The following MLLT10 variants were observed in gnomAD, a reference collection of about 807,000 sequenced individuals.
MLLT10 encodes MLLT10 histone lysine methyltransferase DOT1L cofactor.
A neutral mutation model predicts 129.1 loss-of-function variants in MLLT10; 30 were observed. The ratio of observed to expected loss-of-function variants is 0.23; its 90% CI spans 0.17 to 0.32. The LOEUF (loss-of-function observed/expected upper bound fraction) is 0.32, where lower values mean the gene tolerates loss of function less well. MLLT10 is among the 10% of genes least tolerant of loss of function. The pLI is 1.00. For synonymous variants in MLLT10, 490 were observed against 446.4 expected (o/e 1.10, Z -1.23); for missense variants, 1,119 against 1,268.3 (o/e 0.88, Z 1.79).
rs1203863567 is a variant in MLLT10 at position 21,538,870 on chromosome 10, G to C, written c.198G>C (p.Trp66Cys). ...TTGTTCAAGTACCCACTGGACCGTG[G>C]TTTTGCAGGAAATGTGAATCTCAGG... is the stretch of plus-strand genomic sequence containing the variant. ...YGIVQVPTGPWFCRKCESQER... is the reference protein window; with the variant it reads ...YGIVQVPTGPCFCRKCESQER... The change falls in exon 3 of 23, where the codon TGG becomes TGC. Residue 66 changes from tryptophan (W) to cysteine (C), a missense_variant. Trp to Cys is a radical substitution (Grantham distance 215). Transcript: ENST00000307729. 1 of 1,613,576 alleles carries C rather than the reference G, an allele frequency of 6.2e-7. No individual in the cohort carries two copies. The highest frequency in any genetic ancestry group is 8.5e-7 in the Non-Finnish European group (1 of 1,179,610).
chr10:21,602,647 T>A (rs898513864), intron 5 of MLLT10, among the ~76,000 whole-genome samples: 1 of 152,220 alleles, frequency 6.6e-6, no homozygotes, highest in African/African-American at 2.4e-5. Flanking sequence ...TGGTTTTAGT[T>A]TTTTGAAACT....
chr10:21,649,711 C>G lies in MLLT10; in HGVS notation c.700-1962C>G, dbSNP rs371521889. 2.6e-5 allele frequency among the ~76,000 whole-genome samples: 4 copies of G among 152,276 alleles called. No individual in the cohort carries two copies. In the East Asian group the frequency reaches 7.7e-4, roughly 29 times the overall value. ...TCTATGAGTAGAGTGTGGAATGATT[C>G]TTTACATGGTGGCTGATAACTGAGG... On this transcript the variant is annotated intron_variant, in intron 8 of 22. Transcript: ENST00000307729.
intron 8 of MLLT10, chr10:21,624,762 C>T: frequency 8.6e-7 from 1 of 1,158,526 alleles, no homozygotes; most frequent in Non-Finnish European, 1.3e-6. Flanking sequence ...TGGTTGTAAG[C>T]ATCTGCCTTC....
At chr10:21,602,625 A>G (rs1471725456) in intron 5 of MLLT10, among the ~76,000 whole-genome samples, 3 of 152,166 alleles carry the variant, frequency 2.0e-5, no homozygotes, top group African/African-American at 7.2e-5. Context: ...GTGATGATTA[A>G]TGTTTTCAAA....
chr10:21,599,133 G>A (rs1043389251), intron 5 of MLLT10, among the ~76,000 whole-genome samples: 1 of 150,330 alleles, frequency 6.7e-6, no homozygotes, highest in African/African-American at 2.4e-5. Flanking sequence ...AGCCGAGATC[G>A]CACCACTGCA....
chr10:21,607,428 C>G (rs1463251395), intron 5 of MLLT10, among the ~76,000 whole-genome samples: 3 of 147,846 alleles, frequency 2.0e-5, no homozygotes, highest in Non-Finnish European at 4.4e-5. Flanking sequence ...TCAAGCAATT[C>G]TCACACTTCA....
intron 3 of MLLT10, among the ~76,000 whole-genome samples, chr10:21,540,672 A>G (rs890322052): frequency 2.0e-5 from 3 of 152,190 alleles, no homozygotes; most frequent in Non-Finnish European, 2.9e-5. Context: ...TTAAAATATG[A>G]TAGTTCCTTT....
intron 8 of MLLT10, chr10:21,625,644 T>TA (rs1400567824): frequency 6.3e-5 from 48 of 760,060 alleles, no homozygotes; most frequent in Non-Finnish European, 1.2e-4. Context: ...TCTGTGACTT[T>TA]ACTGAATTCT....
intron 3 of MLLT10, among the ~76,000 whole-genome samples, chr10:21,576,328 C>T (rs1232178391): frequency 4.6e-5 from 7 of 151,360 alleles, no homozygotes; most frequent in Non-Finnish European, 8.8e-5. Context: ...CTGCAAGCTC[C>T]GCCTCCCAGG....
At chr10:21,631,570 A>G (rs1022138644) in intron 8 of MLLT10, among the ~76,000 whole-genome samples, 1 of 152,098 alleles carries the variant, frequency 6.6e-6, no homozygotes, top group Admixed American at 6.6e-5. Flanking sequence ...TGCAGGCTGT[A>G]CAGGAAGCAT....
chr10:21,622,744 A>G lies in MLLT10; in HGVS notation c.699+5537A>G, dbSNP rs182521835. On this transcript the variant is annotated intron_variant, in intron 8 of 22. Coordinates refer to ENST00000307729, the MANE Select transcript of MLLT10 (RefSeq NM_001195626.3). ...ATTTTCTACGCCAATTAATCACCCAATTCTCTGTGGACACCAAGTGGGTAT... is the reference window on the plus strand; with the variant it reads ...ATTTTCTACGCCAATTAATCACCCAGTTCTCTGTGGACACCAAGTGGGTAT... Among the ~76,000 whole-genome samples the G allele has an allele frequency of 1.8e-4, 27 of 152,282 alleles. No homozygotes were observed. In the East Asian group the frequency reaches 4.6e-3, roughly 26 times the overall value.
At chr10:21,536,301 C>T (rs778400335) in intron 2 of MLLT10, among the ~76,000 whole-genome samples, 118 of 152,068 alleles carry the variant, frequency 7.8e-4, no homozygotes, top group Non-Finnish European at 1.3e-3. Flanking sequence ...GAATACAATG[C>T]GTGTCAAACC....
chr10:21,564,192 T>A (rs1187977412), intron 3 of MLLT10, among the ~76,000 whole-genome samples: 1 of 152,166 alleles, frequency 6.6e-6, no homozygotes, highest in Non-Finnish European at 1.5e-5. Flanking sequence ...CATGGCTTAT[T>A]GCCGCCTTAA....
rs1242614188 is a variant in MLLT10 at position 21,735,181 on chromosome 10, A to G, written c.2901A>G (p.Ile967Met). The G allele has an allele frequency of 6.2e-7, 1 of 1,613,930 alleles. No homozygotes were observed. Among genetic ancestry groups the G allele is most frequent in the African/African-American group, 1.3e-5 (1 of 74,934 alleles). The change falls in exon 21 of 23, where the codon ATA becomes ATG. Residue 967 changes from isoleucine to methionine, a missense_variant. By Grantham distance (10) the Ile-to-Met change is conservative. This residue lies in a region of MLLT10 where 1,004 missense variants were observed against 1,008.7 expected (regional missense o/e 1.00). Coordinates refer to ENST00000307729, the MANE Select transcript of MLLT10 (RefSeq NM_001195626.3). ...TACTTTCTGACCAGCAACGACAAAT[A>G]CTTATTCATCAACAGCAGTTTCAGC... ...LGLLSDQQRQ[I>M]LIHQQQFQQL...
Position 21,600,368 on chromosome 10 carries a change from A to AACACACACAC in MLLT10, c.405+4954_405+4963dup, listed in dbSNP as rs199618726. On this transcript the variant is annotated intron_variant, in intron 5 of 22. Transcript: ENST00000307729. ...CAATATTGAATCTTTCCTGAGATAG[A>AACACACACAC]ACACACACACACACACACACACACA... Among the ~76,000 whole-genome samples, 442 of 144,636 alleles carry AACACACACAC rather than the reference A, an allele frequency of 3.1e-3. 1 individual carries two copies. The highest frequency in any genetic ancestry group is 0.011 in the African/African-American group (420 of 39,780). The allele number at this position is 144,636 out of a possible 152,430, so 94.9% of individuals were successfully genotyped here.
chr10:21,680,303 T>C (rs2052604641), intron 11 of MLLT10, among the ~76,000 whole-genome samples: 1 of 152,092 alleles, frequency 6.6e-6, no homozygotes, highest in Non-Finnish European at 1.5e-5. Context: ...CACTGTTTGT[T>C]CAAGCGATTC....
At chr10:21,649,616 C>T (rs761111653) in intron 8 of MLLT10, among the ~76,000 whole-genome samples, 8 of 152,162 alleles carry the variant, frequency 5.3e-5, no homozygotes, top group African/African-American at 1.4e-4. Context: ...ACATGTCTGG[C>T]GCCAGGCGCT....
intron 9 of MLLT10, among the ~76,000 whole-genome samples, chr10:21,655,428 G>A (rs1304334226): frequency 2.0e-5 from 3 of 152,154 alleles, no homozygotes; most frequent in African/African-American, 4.8e-5. Context: ...GTAAACAAGC[G>A]GATGTGGCAG....
intron 21 of MLLT10, among the ~76,000 whole-genome samples, chr10:21,737,230 A>C (rs2058445189): frequency 9.1e-6 from 1 of 109,600 alleles, no homozygotes; most frequent in Admixed American, 9.2e-5. Context: ...GGCTTTTTAC[A>C]GTTTGGGTGT....
Sources: gnomAD v4.1 joint callset for allele counts (sites outside exome capture counted in the v4.1 genomes callset) on GRCh38, gnomAD v4.1.1 for gene constraint, gnomAD v4.1.1 regional missense constraint, MANE v1.5 for transcripts, NCBI Gene and HGNC (gene_info 2026-07-23, HGNC 2026-07-21) for gene names.